Variants in CDH18 observed in about 807,000 individuals in gnomAD.
CDH18 encodes cadherin 18.
CDH18 carries 31 observed loss-of-function variants against 67.9 expected under a neutral mutation model. The ratio of observed to expected loss-of-function variants is 0.46; its 90% CI spans 0.34 to 0.62. The LOEUF (loss-of-function observed/expected upper bound fraction) is 0.62, where lower values mean the gene tolerates loss of function less well. Ranked by LOEUF, CDH18 falls within the 20% of genes least tolerant of loss-of-function variation. The probability of loss-of-function intolerance (pLI) is 0.01; values close to 1 mark genes in which losing one functional copy is unlikely to be tolerated. For missense variants in CDH18, 890 were observed against 975.5 expected (o/e 0.91, Z 1.17); for synonymous variants, 362 against 347.2 (o/e 1.04, Z -0.48).
intron 4 of CDH18, among the ~76,000 whole-genome samples, chr5:19,742,074 C>T (rs1020423998): frequency 6.6e-6 from 1 of 152,026 alleles, no homozygotes; most frequent in Non-Finnish European, 1.5e-5. Context: ...GCTTTAGAAA[C>T]CACTTCAGTT....
At chr5:20,283,586 A>C (rs1352210161) in intron 1 of CDH18, among the ~76,000 whole-genome samples, 2 of 152,094 alleles carry the variant, frequency 1.3e-5, no homozygotes, top group Non-Finnish European at 2.9e-5. Context: ...CTTTTATCCA[A>C]AAGACAGGCA....
intron 1 of CDH18, among the ~76,000 whole-genome samples, chr5:20,530,885 A>T (rs572612931): frequency 6.6e-5 from 10 of 152,092 alleles, no homozygotes; most frequent in Non-Finnish European, 1.3e-4. Context: ...AAATTGACCA[A>T]TGTGATCTAA....
At chr5:19,627,923 G>A (rs1751802209) in intron 5 of CDH18, among the ~76,000 whole-genome samples, 2 of 152,148 alleles carry the variant, frequency 1.3e-5, no homozygotes, top group Admixed American at 6.6e-5. Context: ...TTAAGAGCAG[G>A]CACATCACTA....
intron 7 of CDH18, among the ~76,000 whole-genome samples, chr5:19,578,218 G>A (rs1043430433): frequency 7.9e-5 from 12 of 152,116 alleles, no homozygotes; most frequent in Non-Finnish European, 1.3e-4. Context: ...GCTTTATGTA[G>A]AAACATAGTA....
At chr5:19,699,803 G>A (rs1482723876) in intron 5 of CDH18, among the ~76,000 whole-genome samples, 8 of 152,008 alleles carry the variant, frequency 5.3e-5, no homozygotes, top group Non-Finnish European at 1.2e-4. Context: ...AGAAATGTTT[G>A]TTGTTTAAGC....
At chr5:20,424,501 C>T (rs2150164459) in intron 1 of CDH18, among the ~76,000 whole-genome samples, 1 of 150,338 alleles carries the variant, frequency 6.7e-6, no homozygotes, top group Non-Finnish European at 1.5e-5. Flanking sequence ...CCTGTAATCC[C>T]AGCACTTTGG....
intron 2 of CDH18, among the ~76,000 whole-genome samples, chr5:20,117,744 G>A (rs1425778857): frequency 1.3e-5 from 2 of 152,136 alleles, no homozygotes; most frequent in East Asian, 3.8e-4. Flanking sequence ...TTGATTAAAT[G>A]GCAATTATGC....
chr5:19,607,477 A>T lies in CDH18; in HGVS notation c.811+4957T>A, dbSNP rs184759527. On this transcript the variant is annotated intron_variant, in intron 6 of 12. Coordinates refer to ENST00000382275, the MANE Select transcript of CDH18 (RefSeq NM_004934.5). ...AATAATAATATCTACAGTATTTTTTAAATAGAAAAAAGTATAAAAATGTAA... is the reference window on the plus strand; with the variant it reads ...AATAATAATATCTACAGTATTTTTTTAATAGAAAAAAGTATAAAAATGTAA... Among the ~76,000 whole-genome samples, 39 of 151,534 alleles carry T rather than the reference A, an allele frequency of 2.6e-4. 1 individual carries two copies. Among genetic ancestry groups the T allele is most frequent in the Admixed American group, 2.3e-3 (35 of 15,198 alleles).
rs77187033 is a variant in CDH18 at position 20,312,003 on chromosome 5, A to G, written c.-579-56498T>C. Among the ~76,000 whole-genome samples the G allele has an allele frequency of 7.4e-3, 1,121 of 152,260 alleles. 18 individuals are homozygous for G. Among genetic ancestry groups the G allele is most frequent in the African/African-American group, 0.026 (1,077 of 41,554 alleles). On this transcript the variant is annotated intron_variant, in intron 1 of 14. Transcript: ENST00000507958. ...ATTACATCCACCCACACTCCCTTGCATATGGGTTTCTTTTGCATGGTGGGT... is the reference window on the plus strand; with the variant it reads ...ATTACATCCACCCACACTCCCTTGCGTATGGGTTTCTTTTGCATGGTGGGT...
intron 2 of CDH18, among the ~76,000 whole-genome samples, chr5:19,908,761 C>T (rs563786979): frequency 2.7e-4 from 41 of 152,218 alleles, no homozygotes; most frequent in African/African-American, 8.7e-4. Flanking sequence ...GATGAACATT[C>T]ATAATGATTA....
intron 1 of CDH18, among the ~76,000 whole-genome samples, chr5:20,279,741 A>T (rs1418104971): frequency 2.7e-5 from 4 of 150,590 alleles, no homozygotes; most frequent in Middle Eastern, 6.8e-3. Context: ...AAAAACTGTA[A>T]GAGCGAGATA....
At chr5:19,699,912 A>G (rs755647523) in intron 5 of CDH18, among the ~76,000 whole-genome samples, 10 of 152,130 alleles carry the variant, frequency 6.6e-5, no homozygotes, top group African/African-American at 9.7e-5. Context: ...TGACAGTTGC[A>G]CTGAAAACCA....
At chr5:19,733,266 T>C (rs1767860164) in intron 4 of CDH18, among the ~76,000 whole-genome samples, 1 of 152,214 alleles carries the variant, frequency 6.6e-6, no homozygotes, top group South Asian at 2.1e-4. Flanking sequence ...AGCTTCACCC[T>C]TCACCTATTT....
At chr5:20,001,197 C>G (rs1055776603) in intron 2 of CDH18, among the ~76,000 whole-genome samples, 5 of 152,066 alleles carry the variant, frequency 3.3e-5, no homozygotes, top group African/African-American at 1.2e-4. Flanking sequence ...CTATGCTTTA[C>G]CATTTCCTTG....
chr5:20,229,957 C>T (rs1013303049), intron 2 of CDH18, among the ~76,000 whole-genome samples: 5 of 152,076 alleles, frequency 3.3e-5, no homozygotes, highest in African/African-American at 9.7e-5. Flanking sequence ...TACTTAGCTC[C>T]GAATGCGAAT....
intron 2 of CDH18, among the ~76,000 whole-genome samples, chr5:19,925,675 A>T (rs1793004272): frequency 6.6e-6 from 1 of 151,962 alleles, no homozygotes; most frequent in Non-Finnish European, 1.5e-5. Flanking sequence ...TTTAGTAGAG[A>T]CAAAGGTTCA....
At chr5:19,677,004 A>T (rs1044098331) in intron 5 of CDH18, among the ~76,000 whole-genome samples, 2 of 152,084 alleles carry the variant, frequency 1.3e-5, no homozygotes, top group Non-Finnish European at 2.9e-5. Context: ...CAAAATAAAA[A>T]ATCTGAGGAG....
intron 9 of CDH18, among the ~76,000 whole-genome samples, chr5:19,521,198 A>G (rs907480814): frequency 1.3e-5 from 2 of 152,164 alleles, no homozygotes; most frequent in Admixed American, 6.5e-5. Context: ...CTCAAAGAAA[A>G]CAAAAAATAA....
intron 2 of CDH18, among the ~76,000 whole-genome samples, chr5:19,856,607 G>T (rs1784309354): frequency 6.6e-6 from 1 of 152,080 alleles, no homozygotes; most frequent in Non-Finnish European, 1.5e-5. Flanking sequence ...TCTTCAAAGA[G>T]GTTATCAAGT....
Sources: allele counts gnomAD v4.1 joint callset (sites outside exome capture counted in the v4.1 genomes callset), GRCh38; gene constraint gnomAD v4.1.1; transcripts MANE v1.5; gene names NCBI Gene and HGNC (gene_info 2026-07-23, HGNC 2026-07-21).